Variants in TBX19 observed in about 807,000 individuals in gnomAD.
TBX19 encodes the protein T-box transcription factor TBX19.
In TBX19, 33 loss-of-function variants were observed where a neutral mutation model predicts 40.9. That is an observed-to-expected ratio of 0.81 (90% CI 0.61 to 1.08). The LOEUF is 1.08. TBX19 is among the 50% of genes least tolerant of loss of function. The pLI is 0.00. For missense variants in TBX19, 494 were observed against 574.0 expected, an observed-to-expected ratio of 0.86 and a Z score of 1.42; for synonymous variants, 220 against 225.0, an observed-to-expected ratio of 0.98 and a Z score of 0.20.
chr1:168,312,548 A>G (rs1435520264), intron 7 of TBX19, among the ~76,000 whole-genome samples, 160 bp from the exon 8 acceptor site: 6 of 152,228 alleles, frequency 3.9e-5, no homozygotes. Flanking sequence ...GCTTTTCTGC[A>G]GAAACAGGAC....
intron 3 of TBX19, among the ~76,000 whole-genome samples, chr1:168,293,945 A>G (rs1375857978): frequency 6.6e-6 from 1 of 152,208 alleles, no homozygotes; most frequent in Admixed American, 6.5e-5. Context: ...ATTTAAAAAC[A>G]CATAATAAAC....
At chr1:168,312,012 A>G (rs1008016440) in intron 7 of TBX19, among the ~76,000 whole-genome samples, 12 of 152,222 alleles carry the variant, frequency 7.9e-5, no homozygotes, top group Admixed American at 3.9e-4. Context: ...GTGCTACAGA[A>G]CTAGAGAAGG....
chr1:168,302,817 G>A (rs1558193847), intron 5 of TBX19, among the ~76,000 whole-genome samples: 2 of 152,080 alleles, frequency 1.3e-5, no homozygotes, highest in Non-Finnish European at 2.9e-5. Context: ...TGCTTAGAGT[G>A]AGAACTGAAG....
chr1:168,285,512 T>G (rs536173145), intron 1 of TBX19, among the ~76,000 whole-genome samples: 1 of 152,228 alleles, frequency 6.6e-6, no homozygotes, highest in Non-Finnish European at 1.5e-5. Context: ...AGATTCCCTG[T>G]CAGTGAAATA....
At chr1:168,291,069 C>A in intron 1 of TBX19, 91 bp from the exon 2 acceptor site, 1 of 1,572,340 alleles carries the variant, frequency 6.4e-7, no homozygotes, top group Non-Finnish European at 8.7e-7. Context: ...CAGGGCATTC[C>A]GTGGAAGGTC....
chr1:168,303,208 C>A (rs1467751623), intron 5 of TBX19, among the ~76,000 whole-genome samples: 3 of 152,124 alleles, frequency 2.0e-5, no homozygotes, highest in African/African-American at 7.2e-5. Context: ...TACCCCACGA[C>A]AGGTCCTGGT....
At chr1:168,298,819 C>CTCCCTCCCTCCCTCCCTCCCT (rs1649185122) in intron 4 of TBX19, among the ~76,000 whole-genome samples, 1 of 47,552 alleles carries the variant, frequency 2.1e-5, no homozygotes, top group Non-Finnish European at 4.0e-5. Context: ...CCCTCCCTCC[C>CTCCCTCCCTCCCTCCCTCCCT]TTCCTTTCTT....
intron 7 of TBX19, among the ~76,000 whole-genome samples, 168 bp downstream of exon 7, chr1:168,309,045 G>C (rs569240524): frequency 6.6e-6 from 1 of 152,232 alleles, no homozygotes; most frequent in East Asian, 1.9e-4. Context: ...TTTCATAAGG[G>C]GAGAAACAGC....
At position 168,293,195 on chromosome 1, in the gene TBX19, G is replaced by C. The variant is rs1205523992; in HGVS notation, c.520G>C (p.Val174Leu). 3.7e-6 allele frequency: 6 copies of C among 1,613,888 alleles called. No homozygotes were observed. Among genetic ancestry groups the C allele is most frequent in the Non-Finnish European group, 4.2e-6 (5 of 1,179,978 alleles). ...KYEPQVHIVR[V>L]GSAHRMVTNC... ...TGAACCCCAGGTTCACATAGTGCGT[G>C]TTGGAAGTGCCCATCGAATGGTAAC... Residue 174 changes from valine (V) to leucine (L), a missense_variant, in exon 3 of 8, where the codon GTT (valine) becomes CTT (leucine). Val to Leu is a conservative substitution (Grantham distance 32). Transcript: ENST00000367821.
intron 4 of TBX19, among the ~76,000 whole-genome samples, chr1:168,298,521 AAAG>A (rs1193373870): frequency 6.6e-6 from 1 of 152,180 alleles, no homozygotes; most frequent in Non-Finnish European, 1.5e-5. Context: ...TCTGCTGAGA[AAAG>A]AAGTCGGAGA....
intron 6 of TBX19, among the ~76,000 whole-genome samples, chr1:168,305,797 C>T (rs755398014): frequency 3.7e-4 from 56 of 152,084 alleles, no homozygotes; most frequent in Non-Finnish European, 7.1e-4. Flanking sequence ...TCCACCTTTG[C>T]CTTATGTAGG....
Position 168,305,778 on chromosome 1 carries a change from A to G in TBX19, c.916+582A>G, listed in dbSNP as rs190299667. 7.9e-5 allele frequency among the ~76,000 whole-genome samples: 12 copies of G among 152,264 alleles called. No individual in the cohort carries two copies. In the East Asian group the frequency reaches 2.3e-3, roughly 29 times the overall value. On this transcript the variant is annotated intron_variant, in intron 6 of 7. Coordinates refer to ENST00000367821, the MANE Select transcript of TBX19 (RefSeq NM_005149.3). Reference sequence around the variant, plus strand: ...TTTGTGTGCTTTTTTCTCATTGACTATTGCCTTTTCCACCTTTGCCTTATG... The same window carrying G: ...TTTGTGTGCTTTTTTCTCATTGACTGTTGCCTTTTCCACCTTTGCCTTATG...
rs892442201 is a variant in TBX19 at position 168,288,609 on chromosome 1, A to G, written c.204-2551A>G. Among the ~76,000 whole-genome samples, 3 of 152,196 alleles carry G rather than the reference A, an allele frequency of 2.0e-5. No individual in the cohort carries two copies. In the East Asian group the frequency reaches 5.8e-4, roughly 29 times the overall value. The stretch of plus-strand genomic sequence containing the variant: ...AGTCAGAACTTTATGAAACATCCTG[A>G]CATTTCTTATCATGAAGACACCAGC... On this transcript the variant is annotated intron_variant, in intron 1 of 7. Transcript: ENST00000367821.
At chr1:168,282,206 G>A (rs1353278381) in intron 1 of TBX19, among the ~76,000 whole-genome samples, 4 of 152,138 alleles carry the variant, frequency 2.6e-5, no homozygotes, top group Non-Finnish European at 4.4e-5. Context: ...CTCTAATTAT[G>A]ACACCCTCGA....
At chr1:168,305,550 C>T (rs934888480) in intron 6 of TBX19, among the ~76,000 whole-genome samples, 1 of 152,264 alleles carries the variant, frequency 6.6e-6, no homozygotes, top group African/African-American at 2.4e-5. Context: ...TCATCACCTT[C>T]GCATGGCTCT....
At chr1:168,292,837 C>A (rs1278456165) in intron 2 of TBX19, among the ~76,000 whole-genome samples, 1 of 137,422 alleles carries the variant, frequency 7.3e-6, no homozygotes, top group Admixed American at 8.2e-5. Context: ...GCACTCCAGC[C>A]TGGGTGACAG....
intron 2 of TBX19, among the ~76,000 whole-genome samples, chr1:168,291,767 T>G (rs55637554): frequency 0.01 from 1,594 of 152,244 alleles, 8 homozygotes; most frequent in Non-Finnish European, 0.016. Flanking sequence ...CCTCTCCCCT[T>G]TTTTAGTATA....
At chr1:168,307,166 G>A (rs1351747634) in intron 6 of TBX19, among the ~76,000 whole-genome samples, 1 of 152,156 alleles carries the variant, frequency 6.6e-6, no homozygotes, top group Non-Finnish European at 1.5e-5. Flanking sequence ...TAGGGCTGGA[G>A]AGCTTGGAAG....
rs1351162518 is a variant in TBX19 at position 168,291,389 on chromosome 1, G to C, written c.433G>C (p.Val145Leu). The C allele has an allele frequency of 3.1e-6, 5 of 1,614,216 alleles. No homozygotes were observed. The East Asian group carries it at 6.7e-5, about 22-fold the overall frequency. Residue 145 changes from valine (V) to leucine (L), a missense_variant, in exon 2 of 8, where the codon GTG becomes CTG. Val to Leu is a conservative substitution (Grantham distance 32, BLOSUM62 1). Coordinates refer to ENST00000367821, the MANE Select transcript of TBX19 (RefSeq NM_005149.3). Reference protein sequence around the residue: ...WMKAPISFSKVKLTNKLNGGG... With the variant: ...WMKAPISFSKLKLTNKLNGGG... ...GAAAGCTCCCATCTCCTTCAGCAAA[G>C]TGAAGCTGACCAACAAGCTCAATGG...
Sources: allele counts gnomAD v4.1 joint callset (sites outside exome capture counted in the v4.1 genomes callset), GRCh38; gene constraint gnomAD v4.1.1; transcripts MANE v1.5; gene names NCBI Gene and HGNC (gene_info 2026-07-23, HGNC 2026-07-21).